Variants in ADGRA2 observed in about 807,000 individuals in gnomAD.
ADGRA2 encodes adhesion G protein-coupled receptor A2.
A neutral mutation model predicts 98.7 loss-of-function variants in ADGRA2; 61 were observed. That is an observed-to-expected ratio of 0.62 (90% CI 0.50 to 0.76). The LOEUF (loss-of-function observed/expected upper bound fraction) is 0.76. Among genes scored for constraint, ADGRA2 ranks in the 30% least tolerant of loss-of-function variants. The pLI is 0.00. For missense variants in ADGRA2, 1,712 were observed against 1,860.0 expected (o/e 0.92, Z 1.46); for synonymous variants, 858 against 831.5 (o/e 1.03, Z -0.55).
rs1409499871 is a variant in ADGRA2 at position 37,830,501 on chromosome 8, A to C, written c.719-209A>C. The stretch of plus-strand genomic sequence containing the variant: ...GGGGTAACACGTGTGCTGAGAAAGG[A>C]GTACTTTTCTTTGTCCAAAAACCGC... On this transcript the variant is annotated intron_variant, in intron 6 of 18. Transcript: ENST00000412232. The surrounding 1 kb of genome is among the most constrained non-coding windows in gnomAD (Gnocchi z 4.8). 6.6e-6 allele frequency among the ~76,000 whole-genome samples: 1 copy of C among 152,132 alleles called. No individual in the cohort carries two copies. The highest frequency in any genetic ancestry group is 2.4e-5 in the African/African-American group (1 of 41,410).
In ADGRA2 at chr8:37,797,216, G is replaced by T; in HGVS notation, c.-53G>T. 8.4e-7 allele frequency: 1 copy of T among 1,195,548 alleles called. No individual in the cohort carries two copies. The highest frequency in any genetic ancestry group is 1.0e-6 in the Non-Finnish European group (1 of 964,338). 74.1% of individuals were successfully genotyped at this position (1,195,548 alleles called of 1,614,324 possible). A position where few individuals can be genotyped will look rare whatever the true frequency, so the allele number is the denominator to read the frequency against. ...CCTCCCGCACGCCTGGGTCCCTCCGGCCGGCGCGCAGCCCGGCCCCAGCGC... is the reference window on the plus strand; with the variant it reads ...CCTCCCGCACGCCTGGGTCCCTCCGTCCGGCGCGCAGCCCGGCCCCAGCGC... On this transcript the variant is annotated 5_prime_UTR_variant, in exon 1 of 19. Coordinates refer to ENST00000412232, the MANE Select transcript of ADGRA2 (RefSeq NM_032777.10). This position sits in a 1 kb window ranked among gnomAD's most constrained non-coding sequence, Gnocchi z 5.3.
At chr8:37,806,520 C>CTTTTTTTTT (rs1184569639) in intron 1 of ADGRA2, among the ~76,000 whole-genome samples, 3 of 85,524 alleles carry the variant, frequency 3.5e-5, no homozygotes, top group African/African-American at 7.4e-5. Context: ...TTTCTTTTTT[C>CTTTTTTTTT]TTTTTCTTTT....
In ADGRA2 at chr8:37,829,925, T is replaced by G. The variant is rs1330752404; in HGVS notation, c.629T>G (p.Leu210Arg). 4.3e-6 allele frequency: 7 copies of G among 1,612,378 alleles called. No homozygotes were observed. The Middle Eastern group carries it at 5.0e-4, about 115-fold the overall frequency. Residue 210 changes from leucine to arginine, a missense_variant, in exon 6 of 19, where the codon CTG becomes CGG. Coordinates refer to ENST00000412232, the MANE Select transcript of ADGRA2 (RefSeq NM_032777.10). ...WLLPWAQNRS[L>R]QLSEHTLCAY... ...CTGCCCTGGGCCCAGAATCGCTCCCTGCAGCTGTCGGAACACACGCTCTGT... is the reference window on the plus strand; with the variant it reads ...CTGCCCTGGGCCCAGAATCGCTCCCGGCAGCTGTCGGAACACACGCTCTGT...
In ADGRA2 at chr8:37,830,718, C is replaced by G; in HGVS notation, c.727C>G (p.Leu243Val). Residue 243 changes from leucine to valine, a missense_variant, in exon 7 of 19, where the codon CTG becomes GTG. Transcript: ENST00000412232. The surrounding 1 kb of genome is among the most constrained non-coding windows in gnomAD (Gnocchi z 4.8). ...GGTGTCTCCTCCCACAGAGGGGGCC[C>G]TGGAGCTGCACACACACCACCTCAT... ...QEAQLCCEGA[L>V]ELHTHHLIPS... 6.2e-7 allele frequency: 1 copy of G among 1,601,840 alleles called. No individual in the cohort carries two copies. The highest frequency in any genetic ancestry group is 8.5e-7 in the Non-Finnish European group (1 of 1,174,730).
rs1172386010 is a variant in ADGRA2, at chr8:37,841,870, C to T, written c.3532C>T (p.His1178Tyr). ...LAHRHPNNVH[H>Y]GRRAHKSRAK... is the part of the protein sequence containing the mutation. ...CCACCGCCACCCCAACAACGTGCAC[C>T]ACGGGCGTCGGGCGCACAAGAGCCG... The change falls in exon 19 of 19, where the codon CAC becomes TAC. Residue 1178 changes from histidine (H) to tyrosine (Y), a missense_variant. Physicochemically the swap from His to Tyr is moderately conservative, Grantham distance 83 (BLOSUM62 2). Transcript: ENST00000412232. The surrounding 1 kb of genome is among the most constrained non-coding windows in gnomAD (Gnocchi z 5.0). 2 of 1,534,746 alleles carry T rather than the reference C, an allele frequency of 1.3e-6. No individual in the cohort carries two copies. Among genetic ancestry groups the T allele is most frequent in the South Asian group, 1.2e-5 (1 of 84,048 alleles).
intron 1 of ADGRA2, among the ~76,000 whole-genome samples, chr8:37,803,053 G>A (rs969372949): frequency 6.6e-6 from 1 of 152,176 alleles, no homozygotes; most frequent in East Asian, 1.9e-4. Flanking sequence ...CCTCGTCCTG[G>A]GGGGAGTGTG....
At chr8:37,818,280 C>T (rs1038322612) in intron 2 of ADGRA2, among the ~76,000 whole-genome samples, 2 of 152,216 alleles carry the variant, frequency 1.3e-5, no homozygotes, top group African/African-American at 4.8e-5. Flanking sequence ...TTAGCACACA[C>T]AAGTGAGAAG....
At chr8:37,824,913 A>G (rs555063055) in intron 2 of ADGRA2, among the ~76,000 whole-genome samples, 13 of 152,088 alleles carry the variant, frequency 8.5e-5, no homozygotes, top group South Asian at 6.2e-4. Flanking sequence ...TCCTCCTTTC[A>G]TTGCTTCTGC....
At chr8:37,831,733 G>T (rs1431640598) in intron 8 of ADGRA2, 146 bp downstream of exon 8, 12 of 702,968 alleles carry the variant, frequency 1.7e-5, no homozygotes, top group Non-Finnish European at 2.8e-5. Flanking sequence ...CATTCAGCCT[G>T]AAGCCTTGCT....
At position 37,835,279 on chromosome 8, in the gene ADGRA2, C is replaced by T. The variant is rs756407996; in HGVS notation, c.1714C>T (p.Arg572Trp). 2.5e-5 allele frequency: 41 copies of T among 1,613,406 alleles called. No homozygotes were observed. Among genetic ancestry groups the T allele is most frequent in the South Asian group, 1.6e-4 (15 of 91,066 alleles). Residue 572 changes from arginine to tryptophan, a missense_variant, in exon 12 of 19, where the codon CGG becomes TGG. Coordinates refer to ENST00000412232, the MANE Select transcript of ADGRA2 (RefSeq NM_032777.10). Reference protein sequence around the residue: ...QRREGGVPGTRPGSPGQNPPP... With the variant: ...QRREGGVPGTWPGSPGQNPPP... ...GAGGGAGGGAGGGGTGCCGGGCACA[C>T]GGCCAGGAAGCCCTGGCCAGAACCC... is the stretch of plus-strand genomic sequence containing the variant.
intron 5 of ADGRA2, 133 bp downstream of exon 5, chr8:37,829,692 T>C (rs1805395920): frequency 1.0e-6 from 1 of 965,742 alleles, no homozygotes; most frequent in Middle Eastern, 2.4e-4. Context: ...AATGCCCCCA[T>C]GATCACCTTC....
In ADGRA2 at chr8:37,797,756, C is replaced by T. The variant is rs1162390582; in HGVS notation, c.266+222C>T. 2.0e-5 allele frequency among the ~76,000 whole-genome samples: 3 copies of T among 152,162 alleles called. No homozygotes were observed. Among genetic ancestry groups the T allele is most frequent in the Non-Finnish European group, 4.4e-5 (3 of 68,012 alleles). On this transcript the variant is annotated intron_variant, in intron 1 of 18. Transcript: ENST00000412232. This position sits in a 1 kb window ranked among gnomAD's most constrained non-coding sequence, Gnocchi z 5.3. Reference sequence around the variant, plus strand: ...AAGGGGCTGCGGGGGACAGGCGCACCCCAGAGAAAGGCACCGCAGGCGCCC... The same window carrying T: ...AAGGGGCTGCGGGGGACAGGCGCACTCCAGAGAAAGGCACCGCAGGCGCCC...
chr8:37,805,726 G>A (rs1036941519), intron 1 of ADGRA2, among the ~76,000 whole-genome samples: 1 of 151,954 alleles, frequency 6.6e-6, no homozygotes, highest in Non-Finnish European at 1.5e-5. Flanking sequence ...AAAATTAGCC[G>A]GGTGTAGTGG....
In ADGRA2 at chr8:37,844,548, T is replaced by A. The variant is rs1278026697; in HGVS notation, c.*2193T>A. The A allele has an allele frequency of 3.1e-6, 5 of 1,613,906 alleles. No individual in the cohort carries two copies. The highest frequency in any genetic ancestry group is 4.2e-6 in the Non-Finnish European group (5 of 1,180,014). On this transcript the variant is annotated 3_prime_UTR_variant, in exon 19 of 19. Coordinates refer to ENST00000412232, the MANE Select transcript of ADGRA2 (RefSeq NM_032777.10). ...TCTAGCAGCCTGGGCTCTCTGAAAG[T>A]CCCTAACTTCCTGAGGGGTACGCAA...
chr8:37,817,005 GA>G (rs1282129194), intron 2 of ADGRA2, among the ~76,000 whole-genome samples: 1 of 150,796 alleles, frequency 6.6e-6, no homozygotes, highest in African/African-American at 2.4e-5. Context: ...AAGTTCAAAG[GA>G]GGTGTCAGCA....
chr8:37,834,713 G>C lies in ADGRA2; in HGVS notation c.1609-461G>C, dbSNP rs560518976. ...GTTGGAGACCAGCCTGGGCAACAGA[G>C]AGACCTGGTCTCCACAAAAAATACA... is the stretch of plus-strand genomic sequence containing the variant. On this transcript the variant is annotated intron_variant, in intron 11 of 18. Transcript: ENST00000412232. The surrounding 1 kb of genome is among the most constrained non-coding windows in gnomAD (Gnocchi z 4.2). Among the ~76,000 whole-genome samples, 2 of 152,120 alleles carry C rather than the reference G, an allele frequency of 1.3e-5. No homozygotes were observed. Among genetic ancestry groups the C allele is most frequent in the African/African-American group, 4.8e-5 (2 of 41,434 alleles).
chr8:37,832,273 G>C (rs545909778), intron 8 of ADGRA2, among the ~76,000 whole-genome samples: 2 of 151,488 alleles, frequency 1.3e-5, no homozygotes, highest in Admixed American at 1.3e-4. Flanking sequence ...GGCTGGTCTC[G>C]AACTCCTGGC....
intron 2 of ADGRA2, among the ~76,000 whole-genome samples, chr8:37,823,189 C>A (rs1160554518): frequency 1.4e-5 from 2 of 145,692 alleles, no homozygotes; most frequent in Non-Finnish European, 3.0e-5. Flanking sequence ...CCATGCCCAA[C>A]CTTTTTTTTT....
Position 37,829,299 on chromosome 8 carries a change from A to C in ADGRA2, c.449A>C (p.Glu150Ala), listed in dbSNP as rs1210391964. 6.2e-7 allele frequency: 1 copy of C among 1,613,610 alleles called. No individual in the cohort carries two copies. Residue 150 changes from glutamate (E) to alanine (A), a missense_variant, in exon 4 of 19, where the codon GAG becomes GCG. Coordinates refer to ENST00000412232, the MANE Select transcript of ADGRA2 (RefSeq NM_032777.10). ...SNNRIGCLTS[E>A]TFQGLPRLLR... ...AACCGGATTGGCTGTCTCACCTCCG[A>C]GACCTTCCAGGGCCTCCCCAGGCTT... is the stretch of plus-strand genomic sequence containing the variant.
Sources: gnomAD v4.1 joint callset for allele counts (sites outside exome capture counted in the v4.1 genomes callset) on GRCh38, gnomAD v4.1.1 for gene constraint, Gnocchi (gnomAD v3.1) non-coding constraint, MANE v1.5 for transcripts, NCBI Gene and HGNC (gene_info 2026-07-23, HGNC 2026-07-21) for gene names.